The following MECOM variants were observed in gnomAD, a reference collection of about 807,000 sequenced individuals.
The protein encoded by MECOM is MDS1 and EVI1 complex locus, also known as histone-lysine N-methyltransferase MECOM.
A neutral mutation model predicts 116.3 loss-of-function variants in MECOM; 13 were observed. The observed-to-expected ratio is 0.11, with a 90% CI of 0.07 to 0.18. MECOM has a LOEUF of 0.18. Ranked by LOEUF, MECOM falls within the 10% of genes least tolerant of loss-of-function variation. MECOM has a pLI of 1.00. For missense variants in MECOM, 1,299 were observed against 1,509.0 expected, an observed-to-expected ratio of 0.86 and a Z score of 2.31; for synonymous variants, 528 against 535.2, an observed-to-expected ratio of 0.99 and a Z score of 0.19.
At chr3:169,531,112 C>CCCACCTTCCCACCA (rs1758571959) in intron 1 of MECOM, among the ~76,000 whole-genome samples, 1 of 152,150 alleles carries the variant, frequency 6.6e-6, no homozygotes, top group African/African-American at 2.4e-5. Context: ...GCTCCCTGGT[C>CCCACCTTCCCACCA]TGACATACCT....
In MECOM at chr3:169,127,851, A is replaced by T; in HGVS notation, c.823T>A (p.Leu275Met). Residue 275 changes from leucine to methionine, a missense_variant, in exon 5 of 17, where the codon TTG becomes ATG. Coordinates refer to ENST00000651503, the MANE Select transcript of MECOM (RefSeq NM_004991.4). ...CAACATGCCATTTCTAACCTTTGCAAATCAGGAAAAACTTGGTCACATTCC... is the reference window on the plus strand; with the variant it reads ...CAACATGCCATTTCTAACCTTTGCATATCAGGAAAAACTTGGTCACATTCC... Reference protein sequence around the residue: ...CKECDQVFPDLQSLEKHMLSH... With the variant: ...CKECDQVFPDMQSLEKHMLSH... 1 of 1,613,674 alleles carries T rather than the reference A, an allele frequency of 6.2e-7. No individual in the cohort carries two copies. Among genetic ancestry groups the T allele is most frequent in the Non-Finnish European group, 8.5e-7 (1 of 1,179,600 alleles).
chr3:169,559,002 C>A (rs770039187), intron 1 of MECOM, among the ~76,000 whole-genome samples: 4 of 151,826 alleles, frequency 2.6e-5, no homozygotes, highest in Non-Finnish European at 5.9e-5. Context: ...AATCCTCTGT[C>A]TTCTCAAAGC....
At chr3:169,549,131 A>C (rs1761073077) in intron 1 of MECOM, among the ~76,000 whole-genome samples, 1 of 151,838 alleles carries the variant, frequency 6.6e-6, no homozygotes, top group South Asian at 2.1e-4. Context: ...ATGCCACCAC[A>C]CCCAGCTAAT....
At chr3:169,475,391 T>C (rs1750191083) in intron 1 of MECOM, among the ~76,000 whole-genome samples, 1 of 152,190 alleles carries the variant, frequency 6.6e-6, no homozygotes, top group Admixed American at 6.5e-5. Flanking sequence ...ATTTTGCTTC[T>C]GGAAAAACTG....
rs926770104 is a variant in MECOM at position 169,611,662 on chromosome 3, T to C, written c.37+51674A>G. On this transcript the variant is annotated intron_variant, in intron 1 of 16. Coordinates refer to ENST00000651503, the MANE Select transcript of MECOM (RefSeq NM_004991.4). This position sits in a 1 kb window ranked among gnomAD's most constrained non-coding sequence, Gnocchi z 4.1. The stretch of plus-strand genomic sequence containing the variant: ...AATAATCTCTGGACCTCAAAATCAC[T>C]ATATATCTTTTTTAAAATATTTTAT... Among the ~76,000 whole-genome samples, 1 of 152,216 alleles carries C rather than the reference T, an allele frequency of 6.6e-6. No homozygotes were observed. Among genetic ancestry groups the C allele is most frequent in the African/African-American group, 2.4e-5 (1 of 41,462 alleles).
intron 1 of MECOM, among the ~76,000 whole-genome samples, chr3:169,395,778 T>G: frequency 6.6e-6 from 1 of 152,174 alleles, no homozygotes; most frequent in East Asian, 1.9e-4. Context: ...CACCAACATT[T>G]GCAGCAGCAC....
intron 5 of MECOM, among the ~76,000 whole-genome samples, chr3:169,125,964 A>G (rs1732670070): frequency 6.6e-6 from 1 of 152,126 alleles, no homozygotes; most frequent in African/African-American, 2.4e-5. Context: ...AGGAAAAAAT[A>G]TTCAGAAAAT....
rs181072718 is a variant in MECOM, at chr3:169,281,493, C to A, written c.375+99694G>T. ...TGCTTGTCTTGTCATGCATCAAAAT[C>A]ATATGTTTGATTTATTTGCAAAAGA... On this transcript the variant is annotated intron_variant, in intron 2 of 16. Transcript: ENST00000651503. Among the ~76,000 whole-genome samples, 22 of 152,212 alleles carry A rather than the reference C, an allele frequency of 1.4e-4. 1 individual carries two copies. The East Asian group carries it at 4.2e-3, about 29-fold the overall frequency.
chr3:169,313,836 G>T (rs1719242855), intron 2 of MECOM, among the ~76,000 whole-genome samples: 1 of 152,190 alleles, frequency 6.6e-6, no homozygotes, highest in Non-Finnish European at 1.5e-5. Flanking sequence ...TGAGAAGTAA[G>T]AGAGGTAAGG....
intron 1 of MECOM, among the ~76,000 whole-genome samples, chr3:169,536,205 T>C (rs6767836): frequency 0.33 from 50,073 of 151,750 alleles, 8,521 homozygotes; most frequent in African/African-American, 0.39. Flanking sequence ...AACCCCAACC[T>C]TCTTTAGTGA....
At chr3:169,135,199 G>T (rs1735989659) in intron 3 of MECOM, among the ~76,000 whole-genome samples, 2 of 152,080 alleles carry the variant, frequency 1.3e-5, no homozygotes, top group Admixed American at 1.3e-4. Context: ...ATGGAAGGGA[G>T]TCAATTAATC....
intron 2 of MECOM, among the ~76,000 whole-genome samples, chr3:169,199,476 C>A (rs1234061553): frequency 6.6e-6 from 1 of 152,050 alleles, no homozygotes; most frequent in Admixed American, 6.6e-5. Context: ...TGCCATGATG[C>A]AATCATGGCT....
intron 2 of MECOM, among the ~76,000 whole-genome samples, chr3:169,186,406 G>A (rs374153518): frequency 0.032 from 3,619 of 112,536 alleles, 87 homozygotes; most frequent in Non-Finnish European, 0.042. Flanking sequence ...GGGAGGGAGG[G>A]AGGGAGGGAG....
intron 1 of MECOM, among the ~76,000 whole-genome samples, chr3:169,384,265 A>C (rs1371646367): frequency 6.6e-6 from 1 of 152,188 alleles, no homozygotes; most frequent in Non-Finnish European, 1.5e-5. Context: ...AAATATAGGA[A>C]ACTTTTGATC....
rs563932659 is a variant in MECOM at position 169,585,230 on chromosome 3, G to A, written c.37+78106C>T. Among the ~76,000 whole-genome samples, 70 of 152,248 alleles carry A rather than the reference G, an allele frequency of 4.6e-4. 1 individual carries two copies. In the South Asian group the frequency reaches 0.014, roughly 31 times the overall value. On this transcript the variant is annotated intron_variant, in intron 1 of 16. Transcript: ENST00000651503. ...GCCAAACACTGAATCATTACCAAAT[G>A]TATGGTTCTATTATCCCAGAGATTG...
intron 2 of MECOM, among the ~76,000 whole-genome samples, chr3:169,200,241 C>T (rs1577328195): frequency 6.6e-6 from 1 of 152,006 alleles, no homozygotes; most frequent in African/African-American, 2.4e-5. Flanking sequence ...TGACTAGGTT[C>T]GACTTTACAA....
chr3:169,093,410 T>G (rs759787461), intron 13 of MECOM, among the ~76,000 whole-genome samples: 1 of 152,216 alleles, frequency 6.6e-6, no homozygotes. Flanking sequence ...ATAATGAGAA[T>G]TTAGAGTGAG....
At chr3:169,565,201 A>T (rs1763087868) in intron 1 of MECOM, among the ~76,000 whole-genome samples, 1 of 152,024 alleles carries the variant, frequency 6.6e-6, no homozygotes, top group Non-Finnish European at 1.5e-5. Context: ...CCAATTCCGA[A>T]CCCTGTGCCT....
intron 2 of MECOM, among the ~76,000 whole-genome samples, chr3:169,318,151 C>T (rs1047852072): frequency 2.0e-5 from 3 of 152,096 alleles, no homozygotes; most frequent in African/African-American, 7.2e-5. Context: ...AATGTAAGAC[C>T]TAAAACCATA....
Sources: gnomAD v4.1 joint callset for allele counts (sites outside exome capture counted in the v4.1 genomes callset) on GRCh38, gnomAD v4.1.1 for gene constraint, Gnocchi (gnomAD v3.1) non-coding constraint, MANE v1.5 for transcripts, NCBI Gene and HGNC (gene_info 2026-07-23, HGNC 2026-07-21) for gene names.